CCDC152: variants seen among roughly 807,000 people sequenced by gnomAD.
CCDC152 encodes coiled-coil domain-containing protein 152.
A neutral mutation model predicts 38.1 loss-of-function variants in CCDC152; 37 were observed. The ratio of observed to expected loss-of-function variants is 0.97; its 90% CI spans 0.75 to 1.28. The LOEUF (loss-of-function observed/expected upper bound fraction) is 1.28. Among genes scored for constraint, CCDC152 ranks in the 50% most tolerant of loss-of-function variants. The pLI is 0.00. For missense variants in CCDC152, 259 were observed against 292.1 expected (o/e 0.89, Z 0.83); for synonymous variants, 83 against 87.1 (o/e 0.95, Z 0.26).
chr5:42,789,239 A>G (rs550638091), intron 6 of CCDC152, among the ~76,000 whole-genome samples: 34 of 151,388 alleles, frequency 2.2e-4, no homozygotes, highest in African/African-American at 8.3e-4. Context: ...GATCTCTGCT[A>G]GAGTCTTGCT....
At chr5:42,765,230 G>A (rs1895457) in intron 3 of CCDC152, among the ~76,000 whole-genome samples, 67,733 of 151,798 alleles carry the variant, frequency 0.45, 15,297 homozygotes, top group East Asian at 0.58. Context: ...TCTCTATAAT[G>A]AAAACTGTAA....
chr5:42,800,799 T>C lies in CCDC152; in HGVS notation c.*1018T>C. ...ACTGGCTTCTGTGGGTATAAGCTGC[T>C]GACTTATTTGTCAGGCAGCTGGAGG... On this transcript the variant is annotated 3_prime_UTR_variant, in exon 9 of 9. Transcript: ENST00000361970. 6.2e-7 allele frequency: 1 copy of C among 1,614,238 alleles called. No homozygotes were observed. The highest frequency in any genetic ancestry group is 8.5e-7 in the Non-Finnish European group (1 of 1,180,028).
chr5:42,785,606 A>G (rs1389429862), intron 6 of CCDC152, among the ~76,000 whole-genome samples: 2 of 152,094 alleles, frequency 1.3e-5, no homozygotes, highest in Admixed American at 6.5e-5. Flanking sequence ...TCCAATTTGA[A>G]TGGCTACTAT....
Position 42,799,657 on chromosome 5 carries a change from A to T in CCDC152, c.643-2A>T. The stretch of plus-strand genomic sequence containing the variant: ...TAATAACAAATTTTTTGTTTCGTTT[A>T]GAAACTTCAGCATTTTCAAGAAGAA... On this transcript the variant is annotated splice_acceptor_variant, in intron 8 of 8. Coordinates refer to ENST00000361970, the MANE Select transcript of CCDC152 (RefSeq NM_001134848.2). LOFTEE classifies it high-confidence loss of function. 1 of 1,538,960 alleles carries T rather than the reference A, an allele frequency of 6.5e-7. No individual in the cohort carries two copies. Among genetic ancestry groups the T allele is most frequent in the Non-Finnish European group, 8.8e-7 (1 of 1,141,114 alleles).
chr5:42,775,905 A>G (rs190373497), intron 4 of CCDC152, among the ~76,000 whole-genome samples: 10 of 150,742 alleles, frequency 6.6e-5, no homozygotes, highest in African/African-American at 2.4e-4. Flanking sequence ...AAATTCTAGG[A>G]CAATCACTAA....
chr5:42,786,149 C>G (rs1759918869), intron 6 of CCDC152, among the ~76,000 whole-genome samples: 2 of 152,046 alleles, frequency 1.3e-5, no homozygotes, highest in Admixed American at 1.3e-4. Context: ...AGAGGCCTCC[C>G]TCCTCCTCAA....
At chr5:42,788,034 T>C (rs1759946110) in intron 6 of CCDC152, among the ~76,000 whole-genome samples, 1 of 152,236 alleles carries the variant, frequency 6.6e-6, no homozygotes, top group Non-Finnish European at 1.5e-5. Flanking sequence ...ATAGGATCTG[T>C]GAACTTTGTA....
chr5:42,782,191 T>C (rs1396952773), intron 5 of CCDC152, among the ~76,000 whole-genome samples: 3 of 152,212 alleles, frequency 2.0e-5, no homozygotes, highest in East Asian at 1.9e-4. Context: ...GGAATATTTA[T>C]ATAATTTTTG....
intron 2 of CCDC152, among the ~76,000 whole-genome samples, chr5:42,760,227 C>T (rs1759533119): frequency 1.3e-5 from 2 of 150,976 alleles, no homozygotes; most frequent in South Asian, 4.2e-4. Context: ...TAGCCTAAAC[C>T]CGGGAGGCGG....
intron 6 of CCDC152, among the ~76,000 whole-genome samples, chr5:42,795,485 T>C (rs1760062006): frequency 6.6e-6 from 1 of 152,166 alleles, no homozygotes; most frequent in African/African-American, 2.4e-5. Flanking sequence ...TATGCAAAAT[T>C]AGTAATGATA....
chr5:42,791,135 A>AT (rs767077145), intron 6 of CCDC152, among the ~76,000 whole-genome samples: 18 of 152,268 alleles, frequency 1.2e-4, no homozygotes, highest in Middle Eastern at 3.4e-3. Context: ...AAGGATGATA[A>AT]TTTTTTAATT....
At chr5:42,779,639 G>A (rs1759816719) in intron 5 of CCDC152, 117 bp downstream of exon 5, 3 of 587,992 alleles carry the variant, frequency 5.1e-6, no homozygotes, top group Non-Finnish European at 9.0e-6. Context: ...GTGGGTGTGT[G>A]TGTGTGTGGA....
intron 3 of CCDC152, among the ~76,000 whole-genome samples, chr5:42,768,874 A>C (rs1364301600): frequency 6.6e-6 from 1 of 152,220 alleles, no homozygotes; most frequent in Non-Finnish European, 1.5e-5. Flanking sequence ...GCTTAGGCAC[A>C]TGGTAGGACC....
At chr5:42,775,546 C>G (rs1759759283) in intron 4 of CCDC152, among the ~76,000 whole-genome samples, 2 of 151,952 alleles carry the variant, frequency 1.3e-5, no homozygotes, top group Non-Finnish European at 2.9e-5. Context: ...TGCAAGTATA[C>G]CAGCCTTGCA....
chr5:42,798,288 C>G (rs542646971), intron 7 of CCDC152, among the ~76,000 whole-genome samples: 4 of 152,166 alleles, frequency 2.6e-5, no homozygotes, highest in Admixed American at 1.3e-4. Context: ...TGCTTCCCCC[C>G]ACCCCAACTT....
At chr5:42,772,982 G>A (rs1759721018) in intron 4 of CCDC152, among the ~76,000 whole-genome samples, 2 of 152,250 alleles carry the variant, frequency 1.3e-5, no homozygotes, top group South Asian at 4.1e-4. Flanking sequence ...AGCTCCAAGG[G>A]AGTTCTTTTG....
At chr5:42,760,469 A>C (rs1376101011) in intron 2 of CCDC152, among the ~76,000 whole-genome samples, 1 of 152,166 alleles carries the variant, frequency 6.6e-6, no homozygotes, top group African/African-American at 2.4e-5. Flanking sequence ...CTAAAAGCAA[A>C]GCCATTTAAA....
In CCDC152 at chr5:42,799,428, T is replaced by A. The variant is rs1270334010; in HGVS notation, c.612T>A (p.Ser204=). 6.5e-7 allele frequency: 1 copy of A among 1,546,306 alleles called. No individual in the cohort carries two copies. Among genetic ancestry groups the A allele is most frequent in the South Asian group, 1.2e-5 (1 of 82,846 alleles). The part of the protein sequence containing the change: ...VQTKSKSYQD[S]TVLPQSIYRR... ...CTAAATCAAAATCATATCAGGATTC[T>A]ACTGTTTTGCCACAAAGTATCTACA... is the stretch of plus-strand genomic sequence containing the variant. The change falls in exon 8 of 9, where the codon TCT becomes TCA. Residue 204 remains serine, a synonymous_variant. Transcript: ENST00000361970.
intron 6 of CCDC152, among the ~76,000 whole-genome samples, chr5:42,796,048 C>G (rs901032509): frequency 6.7e-6 from 1 of 150,206 alleles, no homozygotes; most frequent in African/African-American, 2.5e-5. Context: ...AATGAGAACA[C>G]ATGGACACAG....
Sources: gnomAD v4.1 joint callset for allele counts (sites outside exome capture counted in the v4.1 genomes callset) on GRCh38, gnomAD v4.1.1 for gene constraint, MANE v1.5 for transcripts, NCBI Gene and HGNC (gene_info 2026-07-23, HGNC 2026-07-21) for gene names.